Variants in SACS observed in about 807,000 individuals in gnomAD.
SACS encodes the protein sacsin molecular chaperone.
Under a neutral mutation model 348.0 loss-of-function variants are expected in SACS, and 197 were observed. The ratio of observed to expected loss-of-function variants is 0.57; its 90% CI spans 0.50 to 0.64. The LOEUF (loss-of-function observed/expected upper bound fraction) is 0.64. Among genes scored for constraint, SACS ranks in the 30% least tolerant of loss-of-function variants. The pLI, the probability that SACS is intolerant of heterozygous loss-of-function variation, is 0.00. For synonymous variants in SACS, 1,985 were observed against 1,910.6 expected, an observed-to-expected ratio of 1.04 and a Z score of -1.02; for missense variants, 4,999 against 5,360.8, an observed-to-expected ratio of 0.93 and a Z score of 2.11.
In SACS at chr13:23,336,538, T is replaced by C. The variant is rs1868618237; in HGVS notation, c.7338A>G (p.Lys2446=). 12 of 1,613,904 alleles carry C rather than the reference T, an allele frequency of 7.4e-6. No homozygotes were observed. The highest frequency in any genetic ancestry group is 9.3e-6 in the Non-Finnish European group (11 of 1,179,880). The change falls in exon 10 of 10, where the codon AAA becomes AAG. Residue 2446 remains lysine, a synonymous_variant. Coordinates refer to ENST00000382292, the MANE Select transcript of SACS (RefSeq NM_014363.6). The part of the protein sequence containing the change: ...IREKKQEFCE[K]NYGKILLPDT... Reference sequence around the variant, plus strand: ...CTGGCAATAATATCTTGCCATAATTTTTCTCACAAAATTCTTGTTTCTTTT... The same window carrying C: ...CTGGCAATAATATCTTGCCATAATTCTTCTCACAAAATTCTTGTTTCTTTT...
intron 2 of SACS, among the ~76,000 whole-genome samples, chr13:23,404,652 A>T (rs976019576): frequency 6.6e-6 from 1 of 152,244 alleles, no homozygotes; most frequent in African/African-American, 2.4e-5. Context: ...TGCAGATGAC[A>T]TGATTGCATA....
intron 2 of SACS, among the ~76,000 whole-genome samples, chr13:23,381,835 A>G (rs1872071044): frequency 6.6e-6 from 1 of 152,224 alleles, no homozygotes; most frequent in Non-Finnish European, 1.5e-5. Flanking sequence ...GATATTGTCA[A>G]TGAACAGTTC....
chr13:23,354,023 T>C, intron 8 of SACS, 147 bp from the exon 9 acceptor site: 1 of 651,452 alleles, frequency 1.5e-6, no homozygotes, highest in South Asian at 1.9e-5. Context: ...TTACAATATT[T>C]TTGATCAAAT....
chr13:23,432,886 T>C (rs1313010176), intron 1 of SACS, among the ~76,000 whole-genome samples: 1 of 152,168 alleles, frequency 6.6e-6, no homozygotes, highest in Non-Finnish European at 1.5e-5. Context: ...ACAATTGATA[T>C]GTTTTAATAG....
intron 6 of SACS, among the ~76,000 whole-genome samples, chr13:23,363,953 G>C (rs987083635): frequency 6.6e-6 from 1 of 152,140 alleles, no homozygotes; most frequent in Non-Finnish European, 1.5e-5. Flanking sequence ...TTAGAGACAA[G>C]ATACCTTGCA....
chr13:23,341,184 T>C lies in SACS; in HGVS notation c.2692A>G (p.Thr898Ala). 1 of 1,613,608 alleles carries C rather than the reference T, an allele frequency of 6.2e-7. No homozygotes were observed. Among genetic ancestry groups the C allele is most frequent in the Non-Finnish European group, 8.5e-7 (1 of 1,180,032 alleles). ...AACTTCCTCAGGGCATCTTTGTGTG[T>C]TGGAAGTAGCGAAGTTATTTGATTA... The part of the protein sequence containing the change: ...LCNQITSLLP[T>A]HKDALRKFLA... The change falls in exon 10 of 10, where the codon ACA (threonine) becomes GCA (alanine). Residue 898 changes from threonine (T) to alanine (A), a missense_variant. By Grantham distance (58) the Thr-to-Ala change is moderately conservative. This residue lies in a region of SACS where 3,156 missense variants were observed against 3,380.1 expected (regional missense o/e 0.93). Coordinates refer to ENST00000382292, the MANE Select transcript of SACS (RefSeq NM_014363.6).
At chr13:23,403,108 G>A (rs1045864175) in intron 2 of SACS, among the ~76,000 whole-genome samples, 1 of 134,890 alleles carries the variant, frequency 7.4e-6, no homozygotes, top group Admixed American at 7.4e-5. Context: ...AACCCAGAAG[G>A]TGGAGGTTGC....
At chr13:23,353,180 A>G (rs1310370597) in intron 9 of SACS, among the ~76,000 whole-genome samples, 1 of 152,202 alleles carries the variant, frequency 6.6e-6, no homozygotes, top group African/African-American at 2.4e-5. Flanking sequence ...CTAAAAGGAC[A>G]CCTATCAGAC....
At chr13:23,349,689 A>C (rs1265952860) in intron 9 of SACS, among the ~76,000 whole-genome samples, 1 of 152,168 alleles carries the variant, frequency 6.6e-6, no homozygotes, top group East Asian at 1.9e-4. Context: ...CAGTGAAGCA[A>C]TCCTGAATTT....
chr13:23,387,642 C>G (rs1281585813), intron 2 of SACS, among the ~76,000 whole-genome samples: 1 of 152,060 alleles, frequency 6.6e-6, no homozygotes, highest in Non-Finnish European at 1.5e-5. Context: ...AACCATTTAT[C>G]TGGGAAGTTG....
At chr13:23,341,932 G>T (rs998180285) in intron 9 of SACS, among the ~76,000 whole-genome samples, 1 of 151,758 alleles carries the variant, frequency 6.6e-6, no homozygotes, top group Non-Finnish European at 1.5e-5. Flanking sequence ...GACTACAAGG[G>T]CCCGCCACCA....
chr13:23,334,461 A>T lies in SACS; in HGVS notation c.9415T>A (p.Cys3139Ser). 2 of 1,612,734 alleles carry T rather than the reference A, an allele frequency of 1.2e-6. No homozygotes were observed. The highest frequency in any genetic ancestry group is 4.5e-5 in the East Asian group (2 of 44,866). ...TCATTTTCTTCTGCATCTTTAAAAC[A>T]ATAATCAACTAAAAGTTTTAAACTA... ...FHSLKLLVDY[C>S]FKDAEENEIE... Residue 3139 changes from cysteine (C) to serine (S), a missense_variant, in exon 10 of 10, where the codon TGT (cysteine) becomes AGT (serine). This residue lies in a region of SACS where 734 missense variants were observed against 694.0 expected (regional missense o/e 1.06). Transcript: ENST00000382292.
At chr13:23,358,590 GGAGTGAATA>G in intron 6 of SACS, 109 bp from the exon 7 acceptor site, 9 of 1,157,466 alleles carry the variant, frequency 7.8e-6, no homozygotes, top group Non-Finnish European at 1.2e-5. Context: ...AAAATAGAGA[GGAGTGAATA>G]GAGTGACTGA....
chr13:23,367,928 A>G (rs991321926), intron 5 of SACS, among the ~76,000 whole-genome samples: 1 of 152,242 alleles, frequency 6.6e-6, no homozygotes, highest in Non-Finnish European at 1.5e-5. Flanking sequence ...CTAAAAAAAC[A>G]TATTACAAAA....
chr13:23,365,065 A>C, intron 6 of SACS, 101 bp downstream of exon 6: 4 of 792,684 alleles, frequency 5.0e-6, no homozygotes, highest in Non-Finnish European at 8.4e-6. Flanking sequence ...CATGCCAAAA[A>C]GTACAAATGA....
intron 6 of SACS, among the ~76,000 whole-genome samples, chr13:23,363,860 G>A (rs1200045805): frequency 1.3e-5 from 2 of 152,202 alleles, no homozygotes; most frequent in Admixed American, 1.3e-4. Context: ...TGCCTGGGGG[G>A]CAGTACAATG....
Position 23,334,493 on chromosome 13 carries a change from A to G in SACS, c.9383T>C (p.Leu3128Pro), listed in dbSNP as rs757202820. 2 of 1,613,200 alleles carry G rather than the reference A, an allele frequency of 1.2e-6. No homozygotes were observed. The highest frequency in any genetic ancestry group is 1.3e-5 in the African/African-American group (1 of 75,002). The change falls in exon 10 of 10, where the codon CTT becomes CCT. Residue 3128 changes from leucine (L) to proline (P), a missense_variant. Transcript: ENST00000382292. ...AACTAAAAGTTTTAAACTATGAAAA[A>G]GTTTTAGATTAGTCTGCTGCAGACG... Reference protein sequence around the residue: ...PCRLQQTNLKLFHSLKLLVDY... With the variant: ...PCRLQQTNLKPFHSLKLLVDY...
chr13:23,396,246 C>T (rs1872707351), intron 2 of SACS, among the ~76,000 whole-genome samples: 1 of 151,630 alleles, frequency 6.6e-6, no homozygotes, highest in Admixed American at 6.6e-5. Flanking sequence ...ATTGCTTGAA[C>T]CCAGGAGGCA....
In SACS at chr13:23,353,889, AG is replaced by A; in HGVS notation, c.2094-14del. On this transcript the variant is annotated splice_polypyrimidine_tract_variant and intron_variant, in intron 8 of 9. Transcript: ENST00000382292. ...TGGGAAAAGGGACCTGAAAAGGGAA[AG>A]GAACAGCAATCATCATAATCTTCCC... The A allele has an allele frequency of 7.2e-7, 1 of 1,388,910 alleles. No homozygotes were observed. The highest frequency in any genetic ancestry group is 1.0e-6 in the Non-Finnish European group (1 of 974,434). The allele number at this position is 1,388,910 out of a possible 1,614,324, so 86.0% of individuals were successfully genotyped here.
Sources: gnomAD v4.1 joint callset for allele counts (sites outside exome capture counted in the v4.1 genomes callset) on GRCh38, gnomAD v4.1.1 for gene constraint, gnomAD v4.1.1 regional missense constraint, MANE v1.5 for transcripts, NCBI Gene and HGNC (gene_info 2026-07-23, HGNC 2026-07-21) for gene names.